TTC23: variants seen among roughly 807,000 people sequenced by gnomAD.
TTC23 encodes the protein tetratricopeptide repeat domain 23, also known as tetratricopeptide repeat protein 23.
A neutral mutation model predicts 55.1 loss-of-function variants in TTC23; 58 were observed. The ratio of observed to expected loss-of-function variants is 1.05; its 90% CI spans 0.85 to 1.31. The LOEUF is 1.31. Ranked by LOEUF, TTC23 falls within the 50% of genes most tolerant of loss-of-function variation. The pLI is 0.00. For synonymous variants in TTC23, 203 were observed against 199.9 expected, an observed-to-expected ratio of 1.02 and a Z score of -0.13; for missense variants, 516 against 534.4, an observed-to-expected ratio of 0.97 and a Z score of 0.34.
At chr15:99,213,317 T>C (rs909322298) in intron 8 of TTC23, among the ~76,000 whole-genome samples, 3 of 152,170 alleles carry the variant, frequency 2.0e-5, no homozygotes, top group Admixed American at 6.5e-5. Context: ...AAAAGTAACT[T>C]TGTAGAATAG....
chr15:99,144,035 C>A (rs554191867), intron 12 of TTC23, among the ~76,000 whole-genome samples: 61 of 152,302 alleles, frequency 4.0e-4, no homozygotes, highest in African/African-American at 1.3e-3. Context: ...GAAAAGCCCT[C>A]GAAATTCCAG....
intron 10 of TTC23, among the ~76,000 whole-genome samples, chr15:99,169,774 G>A (rs1182989111): frequency 6.6e-6 from 1 of 152,228 alleles, no homozygotes; most frequent in East Asian, 1.9e-4. Flanking sequence ...ACCAGTGGGG[G>A]CGGGGGAGAT....
intron 9 of TTC23, among the ~76,000 whole-genome samples, chr15:99,186,300 A>G (rs568099988): frequency 6.6e-6 from 1 of 152,342 alleles, no homozygotes; most frequent in South Asian, 2.1e-4. Flanking sequence ...CAGCTGATAA[A>G]CAGAATAGTC....
At chr15:99,168,527 A>G (rs2072467704) in intron 10 of TTC23, among the ~76,000 whole-genome samples, 2 of 152,210 alleles carry the variant, frequency 1.3e-5, no homozygotes, top group South Asian at 4.1e-4. Flanking sequence ...TAAGTTACAT[A>G]GGCTTCTCTA....
chr15:99,202,737 T>C lies in TTC23; in HGVS notation c.582-2641A>G, dbSNP rs571993983. On this transcript the variant is annotated intron_variant, in intron 8 of 13. Coordinates refer to ENST00000394132, the MANE Select transcript of TTC23 (RefSeq NM_001288615.3). ...TACCTGACTCCCAGAGAAAATGTTA[T>C]GGAAAATAACAGAAAATGAGAGGCA... 3.9e-5 allele frequency among the ~76,000 whole-genome samples: 6 copies of C among 152,234 alleles called. No homozygotes were observed. In the South Asian group the frequency reaches 8.3e-4, roughly 21 times the overall value.
chr15:99,157,248 G>A (rs896716403), intron 11 of TTC23: 2 of 107,724 alleles, frequency 1.9e-5, no homozygotes, highest in Non-Finnish European at 3.5e-5. Context: ...GTCTCTCTTT[G>A]TCTACCAGCC....
chr15:99,227,773 T>A (rs557502933), intron 5 of TTC23, among the ~76,000 whole-genome samples: 1 of 152,296 alleles, frequency 6.6e-6, no homozygotes, highest in African/African-American at 2.4e-5. Flanking sequence ...ATCTGCTACC[T>A]CTGTCCAGAA....
Position 99,161,736 on chromosome 15 carries a change from T to C in TTC23, c.993+4A>G. Reference sequence around the variant, plus strand: ...CTAGACAATTGTGATCCAAACTCACTTACCTCTTTTTGTCCAGTCATTTGT... The same window carrying C: ...CTAGACAATTGTGATCCAAACTCACCTACCTCTTTTTGTCCAGTCATTTGT... On this transcript the variant is annotated splice_donor_region_variant and intron_variant, in intron 11 of 13. Coordinates refer to ENST00000394132, the MANE Select transcript of TTC23 (RefSeq NM_001288615.3). 6.2e-7 allele frequency: 1 copy of C among 1,608,704 alleles called. No individual in the cohort carries two copies. The highest frequency in any genetic ancestry group is 8.5e-7 in the Non-Finnish European group (1 of 1,178,344).
intron 12 of TTC23, among the ~76,000 whole-genome samples, chr15:99,149,311 C>T (rs1339878757): frequency 1.3e-5 from 2 of 152,208 alleles, no homozygotes; most frequent in African/African-American, 2.4e-5. Flanking sequence ...GAGTGCCCAT[C>T]ATTTCTCTTG....
At chr15:99,174,570 A>G (rs1011067315) in intron 10 of TTC23, among the ~76,000 whole-genome samples, 3 of 152,072 alleles carry the variant, frequency 2.0e-5, no homozygotes, top group South Asian at 4.1e-4. Flanking sequence ...TCTACCTATT[A>G]CGCGGGGATA....
chr15:99,197,254 C>T (rs2151983954), intron 9 of TTC23, among the ~76,000 whole-genome samples: 1 of 152,284 alleles, frequency 6.6e-6, no homozygotes, highest in East Asian at 1.9e-4. Context: ...AGGCGCCCGC[C>T]ACCATGCCCG....
chr15:99,154,907 G>A (rs2070331100), intron 12 of TTC23, among the ~76,000 whole-genome samples: 1 of 152,186 alleles, frequency 6.6e-6, no homozygotes, highest in Non-Finnish European at 1.5e-5. Flanking sequence ...TGGCAAGGAT[G>A]CCCATTATCT....
At chr15:99,228,765 T>C in intron 4 of TTC23, 33 bp from the exon 5 acceptor site, 1 of 1,445,012 alleles carries the variant, frequency 6.9e-7, no homozygotes, top group Non-Finnish European at 9.3e-7. Context: ...AGATGTTAAA[T>C]GATAATTTCC....
At chr15:99,163,497 G>A (rs1369063427) in intron 10 of TTC23, among the ~76,000 whole-genome samples, 2 of 152,190 alleles carry the variant, frequency 1.3e-5, no homozygotes, top group African/African-American at 4.8e-5. Flanking sequence ...AGAGAAGCAC[G>A]CCTTACCACA....
rs536417564 is a variant in TTC23, at chr15:99,172,225, C to A, written c.865+2825G>T. On this transcript the variant is annotated intron_variant, in intron 10 of 13. Transcript: ENST00000394132. ...TAGAGACGGGGTTTCATTATGCTGG[C>A]CAGGCTGGTCTCGAACTCCTGACCT... is the stretch of plus-strand genomic sequence containing the variant. 2.6e-5 allele frequency among the ~76,000 whole-genome samples: 4 copies of A among 152,000 alleles called. No individual in the cohort carries two copies. In the East Asian group the frequency reaches 5.8e-4, roughly 22 times the overall value.
chr15:99,222,299 C>A (rs957949654), intron 5 of TTC23, among the ~76,000 whole-genome samples: 2 of 151,992 alleles, frequency 1.3e-5, no homozygotes, highest in Non-Finnish European at 2.9e-5. Context: ...GACAGGGTCT[C>A]ACTCACCTGG....
chr15:99,224,716 T>A (rs1333323700), intron 5 of TTC23, among the ~76,000 whole-genome samples: 1 of 152,264 alleles, frequency 6.6e-6, no homozygotes, highest in Non-Finnish European at 1.5e-5. Flanking sequence ...CCAGAGGTTG[T>A]ACCAGTTCAT....
intron 10 of TTC23, among the ~76,000 whole-genome samples, chr15:99,165,741 C>A (rs1408995696): frequency 6.6e-6 from 1 of 151,808 alleles, no homozygotes; most frequent in Non-Finnish European, 1.5e-5. Context: ...GCTGCCCATG[C>A]GAGAAAACGT....
intron 2 of TTC23, among the ~76,000 whole-genome samples, chr15:99,245,065 G>T (rs2080122735): frequency 6.6e-6 from 1 of 152,146 alleles, no homozygotes; most frequent in South Asian, 2.1e-4. Flanking sequence ...GTGTGAGCTA[G>T]CTCTATTGTG....
Sources: gnomAD v4.1 joint callset for allele counts (sites outside exome capture counted in the v4.1 genomes callset) on GRCh38, gnomAD v4.1.1 for gene constraint, MANE v1.5 for transcripts, NCBI Gene and HGNC (gene_info 2026-07-23, HGNC 2026-07-21) for gene names.